Variants in PLB1 observed in about 807,000 individuals in gnomAD.
PLB1 encodes phospholipase B1.
Under a neutral mutation model 227.4 loss-of-function variants are expected in PLB1, and 242 were observed. The observed-to-expected ratio is 1.06, with a 90% CI of 0.96 to 1.18. The LOEUF (loss-of-function observed/expected upper bound fraction) is 1.18. PLB1 is among the 50% of genes most tolerant of loss of function. The pLI is 0.00. For missense variants in PLB1, 1,858 were observed against 1,816.3 expected (o/e 1.02, Z -0.42); for synonymous variants, 757 against 682.2 (o/e 1.11, Z -1.71).
Position 28,629,187 on chromosome 2 carries a change from T to G in PLB1, c.3818+2T>G. The G allele has an allele frequency of 6.2e-7, 1 of 1,612,978 alleles. No individual in the cohort carries two copies. Among genetic ancestry groups the G allele is most frequent in the Non-Finnish European group, 8.5e-7 (1 of 1,179,576 alleles). The stretch of plus-strand genomic sequence containing the variant: ...GAAATGTGCCATGCTGGCAGCTCAG[T>G]AAGTGGACAGGTCACCGTCCCAAGG... On this transcript the variant is annotated splice_donor_variant, in intron 53 of 57. Transcript: ENST00000327757. LOFTEE classifies it high-confidence loss of function.
At chr2:28,613,883 A>G (rs1685822300) in intron 43 of PLB1, 148 bp from the exon 44 acceptor site, 2 of 701,300 alleles carry the variant, frequency 2.9e-6, no homozygotes, top group South Asian at 1.9e-5. Context: ...GGGGGAATGA[A>G]TGAAATTATG....
In PLB1 at chr2:28,525,945, G is replaced by A; in HGVS notation, c.325G>A (p.Val109Ile). ...GCAGGTGTGCATGGGAGTGATGACA[G>A]GTGAGTTGTGGTTTTCACGGCCAGA... is the stretch of plus-strand genomic sequence containing the variant. ...PQQVCMGVMT[V>I]LSDIIRYFSP... Residue 109 changes from valine (V) to isoleucine (I), a missense_variant and splice_region_variant, in exon 6 of 58, where the codon GTC (valine) becomes ATC (isoleucine). Physicochemically the swap from Val to Ile is conservative, Grantham distance 29 (BLOSUM62 3). Coordinates refer to ENST00000327757, the MANE Select transcript of PLB1 (RefSeq NM_153021.5). 2 of 1,614,062 alleles carry A rather than the reference G, an allele frequency of 1.2e-6. No individual in the cohort carries two copies. Among genetic ancestry groups the A allele is most frequent in the Non-Finnish European group, 1.7e-6 (2 of 1,179,964 alleles).
chr2:28,640,715 C>T (rs1442712311), intron 56 of PLB1, among the ~76,000 whole-genome samples: 1 of 152,176 alleles, frequency 6.6e-6, no homozygotes, highest in East Asian at 1.9e-4. Context: ...GCCCTGCCGA[C>T]AGATGCTGCC....
At chr2:28,572,918 A>G (rs753792205) in intron 20 of PLB1, among the ~76,000 whole-genome samples, 7 of 152,254 alleles carry the variant, frequency 4.6e-5, no homozygotes, top group Non-Finnish European at 1.0e-4. Context: ...ATATCTCAGT[A>G]AAGCTAGTAT....
chr2:28,637,544 A>G (rs1689514300), intron 56 of PLB1, among the ~76,000 whole-genome samples: 1 of 152,130 alleles, frequency 6.6e-6, no homozygotes, highest in African/African-American at 2.4e-5. Flanking sequence ...TCAAACTTCC[A>G]AAGCCTCCCA....
intron 41 of PLB1, among the ~76,000 whole-genome samples, chr2:28,605,199 G>C (rs192141036): frequency 2.0e-5 from 3 of 152,314 alleles, no homozygotes; most frequent in South Asian, 4.1e-4. Context: ...GGTTATAAGG[G>C]AGCATTCTGG....
In PLB1 at chr2:28,518,462, G is replaced by C. The variant is rs1363257257; in HGVS notation, c.118-4G>C. 1 of 1,609,186 alleles carries C rather than the reference G, an allele frequency of 6.2e-7. No homozygotes were observed. The highest frequency in any genetic ancestry group is 1.3e-5 in the African/African-American group (1 of 74,908). On this transcript the variant is annotated splice_region_variant and splice_polypyrimidine_tract_variant and intron_variant, in intron 2 of 57. Coordinates refer to ENST00000327757, the MANE Select transcript of PLB1 (RefSeq NM_153021.5). ...ATGTTTCTGATGTTCGTTTTCAATT[G>C]CAGACCCTGAAGAATTCTCCATTCC... is the stretch of plus-strand genomic sequence containing the variant.
intron 14 of PLB1, chr2:28,548,389 G>A: frequency 3.2e-6 from 1 of 308,738 alleles, no homozygotes. Context: ...TAGCTGGGCA[G>A]CAAGGAGGGG....
intron 20 of PLB1, among the ~76,000 whole-genome samples, chr2:28,572,957 A>G (rs4666101): frequency 0.18 from 27,432 of 152,132 alleles, 3,662 homozygotes; most frequent in African/African-American, 0.35. Flanking sequence ...AAATACATGA[A>G]AAAAGCCTGT....
intron 43 of PLB1, 26 bp downstream of exon 43, chr2:28,606,593 C>A: frequency 6.2e-7 from 1 of 1,606,092 alleles, no homozygotes; most frequent in South Asian, 1.1e-5. Flanking sequence ...CTGCCTGGCT[C>A]CTCTCCACAA....
chr2:28,538,667 G>A (rs559343203), intron 10 of PLB1, among the ~76,000 whole-genome samples: 81 of 152,290 alleles, frequency 5.3e-4, no homozygotes, highest in Non-Finnish European at 1.0e-3. Context: ...CTGGGGCGAG[G>A]ATAAGATGGA....
At chr2:28,620,080 A>AG (rs1686810102) in intron 46 of PLB1, among the ~76,000 whole-genome samples, 185 bp from the exon 47 acceptor site, 2 of 152,044 alleles carry the variant, frequency 1.3e-5, no homozygotes, top group African/African-American at 4.8e-5. Context: ...TACTGGCTGT[A>AG]GGTAAAGAAC....
chr2:28,604,552 C>T (rs1400478722), intron 40 of PLB1, 103 bp from the exon 41 acceptor site: 4 of 792,536 alleles, frequency 5.0e-6, no homozygotes, highest in South Asian at 1.8e-5. Flanking sequence ...TGAGTCGGCC[C>T]CTCCATCCAG....
chr2:28,578,194 C>T (rs868514847), intron 22 of PLB1, 36 bp downstream of exon 22: 10 of 1,600,746 alleles, frequency 6.2e-6, no homozygotes, highest in Non-Finnish European at 8.6e-6. Context: ...CAGGAAAAAT[C>T]CCTGGACACA....
chr2:28,600,939 T>C (rs1452596476), intron 36 of PLB1, 79 bp downstream of exon 36: 1 of 1,265,462 alleles, frequency 7.9e-7, no homozygotes, highest in Non-Finnish European at 1.1e-6. Context: ...TGGCCTGCTC[T>C]GAAAAGCAGT....
intron 33 of PLB1, chr2:28,596,104 A>G (rs1356914665): frequency 6.6e-6 from 1 of 152,192 alleles, no homozygotes; most frequent in Non-Finnish European, 1.5e-5. Flanking sequence ...ATCTCATATG[A>G]CTGAAACTCC....
intron 1 of PLB1, among the ~76,000 whole-genome samples, chr2:28,500,195 C>G (rs1417085583): frequency 6.6e-6 from 1 of 152,154 alleles, no homozygotes; most frequent in Non-Finnish European, 1.5e-5. Context: ...TTTGCCTTGT[C>G]TCTTTAATCT....
At chr2:28,539,331 G>A (rs904859513) in intron 11 of PLB1, among the ~76,000 whole-genome samples, 153 bp downstream of exon 11, 3 of 152,194 alleles carry the variant, frequency 2.0e-5, no homozygotes, top group Admixed American at 6.5e-5. Context: ...ACACCCGAGC[G>A]AGTGGCAGAG....
rs1686966842 is a variant in PLB1, at chr2:28,620,978, G to A, written c.3527G>A (p.Arg1176Lys). ...LNVAAEGARA[R>K]DMPAQAWDLV... is the part of the protein sequence containing the mutation. ...GTGGCAGCGGAAGGGGCCAGAGCTAGGTGAGTAGATGCCGTACAGGAGGGC... is the reference window on the plus strand; with the variant it reads ...GTGGCAGCGGAAGGGGCCAGAGCTAAGTGAGTAGATGCCGTACAGGAGGGC... Residue 1176 changes from arginine (R) to lysine (K), a missense_variant and splice_region_variant, in exon 49 of 58, where the codon AGG becomes AAG. By Grantham distance (26) the Arg-to-Lys change is conservative. Transcript: ENST00000327757. 2 of 1,609,386 alleles carry A rather than the reference G, an allele frequency of 1.2e-6. No homozygotes were observed. Among genetic ancestry groups the A allele is most frequent in the Non-Finnish European group, 8.5e-7 (1 of 1,177,094 alleles).
Sources: allele counts gnomAD v4.1 joint callset (sites outside exome capture counted in the v4.1 genomes callset), GRCh38; gene constraint gnomAD v4.1.1; transcripts MANE v1.5; gene names NCBI Gene and HGNC (gene_info 2026-07-23, HGNC 2026-07-21).